Variants in AKAP7 observed in about 807,000 individuals in gnomAD.
AKAP7 encodes A-kinase anchoring protein 7, also known as A kinase (PRKA) anchor protein 7.
In AKAP7, 39 loss-of-function variants were observed where a neutral mutation model predicts 39.5. The ratio of observed to expected loss-of-function variants is 0.99; its 90% CI spans 0.76 to 1.29. The LOEUF (loss-of-function observed/expected upper bound fraction) is 1.29, where lower values mean the gene tolerates loss of function less well. Among genes scored for constraint, AKAP7 ranks in the 50% most tolerant of loss-of-function variants. The pLI is 0.00. For synonymous variants in AKAP7, 140 were observed against 139.1 expected, an observed-to-expected ratio of 1.01 and a Z score of -0.05; for missense variants, 414 against 407.7, an observed-to-expected ratio of 1.02 and a Z score of -0.13.
At chr6:131,241,625 G>GTATATA (rs1372694997) in intron 7 of AKAP7, among the ~76,000 whole-genome samples, 4 of 65,272 alleles carry the variant, frequency 6.1e-5, no homozygotes, top group South Asian at 4.3e-4. Context: ...GTGTGTGTGT[G>GTATATA]TGTATATATA....
At chr6:131,164,968 T>A in intron 3 of AKAP7, 113 bp from the exon 4 acceptor site, 2 of 778,048 alleles carry the variant, frequency 2.6e-6, no homozygotes, top group East Asian at 2.8e-5. Context: ...ATCTTAACAT[T>A]GTTCTAATTT....
rs148686258 is a variant in AKAP7, at chr6:131,203,255, G to A, written c.702+3682G>A. On this transcript the variant is annotated intron_variant, in intron 6 of 7. Coordinates refer to ENST00000431975, the MANE Select transcript of AKAP7 (RefSeq NM_016377.4). ...ATGGTTCCTTAGTCTCAGTCTTAAC[G>A]TTTTTACATTTCCAGCTATCTATTT... Among the ~76,000 whole-genome samples, 27 of 152,142 alleles carry A rather than the reference G, an allele frequency of 1.8e-4. No homozygotes were observed. In the East Asian group the frequency reaches 4.4e-3, roughly 25 times the overall value.
intron 3 of AKAP7, chr6:131,164,207 G>T (rs544640191): frequency 1.8e-5 from 6 of 330,686 alleles, no homozygotes; most frequent in Non-Finnish European, 2.4e-5. Context: ...TTTCTATTGT[G>T]CTGCCTCAGG....
At position 131,196,167 on chromosome 6, in the gene AKAP7, G is replaced by A. The variant is rs539757872; in HGVS notation, c.590-3294G>A. ...TTTTTCTTTTGTCTCCTCTGACTGC[G>A]TATTTTCAAATAGCCTGTCCTCAAG... On this transcript the variant is annotated intron_variant, in intron 5 of 7. Coordinates refer to ENST00000431975, the MANE Select transcript of AKAP7 (RefSeq NM_016377.4). 2.6e-5 allele frequency among the ~76,000 whole-genome samples: 4 copies of A among 151,410 alleles called. No individual in the cohort carries two copies. In the South Asian group the frequency reaches 6.3e-4, roughly 24 times the overall value.
chr6:131,218,695 A>C lies in AKAP7; in HGVS notation c.703-966A>C, dbSNP rs374855048. The stretch of plus-strand genomic sequence containing the variant: ...TCTTTCCCATGTTTTGGGGAACTAC[A>C]GAGGTACCAAGGGCATCCCACTGTA... On this transcript the variant is annotated intron_variant, in intron 6 of 7. Coordinates refer to ENST00000431975, the MANE Select transcript of AKAP7 (RefSeq NM_016377.4). Among the ~76,000 whole-genome samples, 10 of 152,316 alleles carry C rather than the reference A, an allele frequency of 6.6e-5. No homozygotes were observed. In the South Asian group the frequency reaches 1.4e-3, roughly 22 times the overall value.
intron 5 of AKAP7, among the ~76,000 whole-genome samples, chr6:131,171,319 C>A (rs937024101): frequency 6.6e-6 from 1 of 151,898 alleles, no homozygotes; most frequent in African/African-American, 2.4e-5. Flanking sequence ...GAGAAGGGGG[C>A]GGATTGAGGA....
At chr6:131,268,718 G>T (rs1814023358) in intron 7 of AKAP7, among the ~76,000 whole-genome samples, 2 of 152,166 alleles carry the variant, frequency 1.3e-5, no homozygotes, top group South Asian at 4.1e-4. Flanking sequence ...CCTAGCCTAG[G>T]ATAATCAGCC....
At chr6:131,277,665 G>T (rs1410425261) in intron 7 of AKAP7, among the ~76,000 whole-genome samples, 1 of 152,178 alleles carries the variant, frequency 6.6e-6, no homozygotes, top group East Asian at 1.9e-4. Flanking sequence ...GAACACAAAT[G>T]AGATCTCATA....
intron 7 of AKAP7, among the ~76,000 whole-genome samples, chr6:131,269,486 C>T (rs1814092052): frequency 6.6e-6 from 1 of 152,066 alleles, no homozygotes; most frequent in African/African-American, 2.4e-5. Context: ...AATACAGGAA[C>T]CAAAATTCAG....
intron 7 of AKAP7, among the ~76,000 whole-genome samples, chr6:131,260,906 T>C (rs1813260555): frequency 6.6e-6 from 1 of 152,170 alleles, no homozygotes; most frequent in Non-Finnish European, 1.5e-5. Context: ...ATTAAATGAA[T>C]ATTTTAATGG....
At chr6:131,255,301 C>T (rs1013785159) in intron 7 of AKAP7, among the ~76,000 whole-genome samples, 2 of 152,170 alleles carry the variant, frequency 1.3e-5, no homozygotes, top group Non-Finnish European at 2.9e-5. Flanking sequence ...GAATGATACA[C>T]ATTTCTTGTG....
intron 1 of AKAP7, among the ~76,000 whole-genome samples, chr6:131,142,867 T>C (rs1367886135): frequency 2.0e-5 from 3 of 152,236 alleles, no homozygotes; most frequent in Non-Finnish European, 4.4e-5. Context: ...TGGGAGCCCA[T>C]GTCTTGCTCC....
chr6:131,191,098 TG>T (rs1269607536), intron 5 of AKAP7, among the ~76,000 whole-genome samples: 1 of 152,230 alleles, frequency 6.6e-6, no homozygotes, highest in African/African-American at 2.4e-5. Flanking sequence ...AGCTCCTATA[TG>T]GGACAATTCT....
chr6:131,237,787 C>A (rs1212456116), intron 7 of AKAP7, among the ~76,000 whole-genome samples: 5 of 151,906 alleles, frequency 3.3e-5, no homozygotes, highest in Admixed American at 6.6e-5. Context: ...CTATTTGATT[C>A]TTCTCTCTTT....
intron 2 of AKAP7, among the ~76,000 whole-genome samples, chr6:131,147,737 C>T (rs994081196): frequency 6.6e-6 from 1 of 152,236 alleles, no homozygotes; most frequent in African/African-American, 2.4e-5. Flanking sequence ...ATGGGCCTCA[C>T]TCACCCGCGT....
intron 6 of AKAP7, among the ~76,000 whole-genome samples, chr6:131,213,264 A>G (rs868382722): frequency 2.6e-5 from 4 of 152,310 alleles, no homozygotes; most frequent in Middle Eastern, 3.4e-3. Context: ...CGTTTTTTAT[A>G]CCAGTGAATT....
At chr6:131,128,822 CAAA>C in the AKAP7 span, among the ~76,000 whole-genome samples, 471 of 125,066 alleles carry the variant, frequency 3.8e-3, 2 homozygotes, top group Middle Eastern at 0.017. Flanking sequence ...AACTCCATCT[CAAA>C]AAAAAAAAAA....
chr6:131,200,417 TC>T (rs370222599), intron 6 of AKAP7, among the ~76,000 whole-genome samples: 2 of 152,292 alleles, frequency 1.3e-5, no homozygotes, highest in East Asian at 3.9e-4. Context: ...TAATATCCGC[TC>T]CCTGCTCTCC....
chr6:131,132,240 G>C (rs921350523), upstream of AKAP7, among the ~76,000 whole-genome samples: 9 of 151,944 alleles, frequency 5.9e-5, no homozygotes, highest in Non-Finnish European at 1.3e-4. Flanking sequence ...GGGAACCCGG[G>C]AGGCGGAGCT....
Sources: gnomAD v4.1 joint callset for allele counts (sites outside exome capture counted in the v4.1 genomes callset) on GRCh38, gnomAD v4.1.1 for gene constraint, MANE v1.5 for transcripts, NCBI Gene and HGNC (gene_info 2026-07-23, HGNC 2026-07-21) for gene names.